CREG2: variants seen among roughly 807,000 people sequenced by gnomAD.
The protein encoded by CREG2 is cellular repressor of E1A stimulated genes 2.
A neutral mutation model predicts 26.2 loss-of-function variants in CREG2; 24 were observed. The observed-to-expected ratio is 0.92, with a 90% confidence interval of 0.66 to 1.29. The LOEUF (loss-of-function observed/expected upper bound fraction) is 1.29. Ranked by LOEUF, CREG2 falls within the 50% of genes most tolerant of loss-of-function variation. The probability of loss-of-function intolerance (pLI) is 0.00; values close to 1 mark genes in which losing one functional copy is unlikely to be tolerated. For synonymous variants in CREG2, 174 were observed against 169.2 expected (o/e 1.03, Z -0.22); for missense variants, 366 against 398.6 (o/e 0.92, Z 0.70).
intron 2 of CREG2, among the ~76,000 whole-genome samples, chr2:101,356,640 A>G (rs1469699654): frequency 2.6e-5 from 4 of 152,146 alleles, no homozygotes; most frequent in African/African-American, 9.7e-5. Context: ...TAGGAATGGC[A>G]TCCCTGGAGT....
chr2:101,355,388 TG>T, intron 2 of CREG2, 22 bp from the exon 3 acceptor site: 1 of 1,491,526 alleles, frequency 6.7e-7, no homozygotes, highest in Non-Finnish European at 9.4e-7. Context: ...AAACATTTTT[TG>T]TATATCAGAA....
At chr2:101,360,206 G>T (rs1293615869) in intron 2 of CREG2, among the ~76,000 whole-genome samples, 2 of 151,948 alleles carry the variant, frequency 1.3e-5, no homozygotes, top group African/African-American at 4.8e-5. Context: ...TATAACCATT[G>T]CCTTACCACC....
rs1460062745 is a variant in CREG2 at position 101,350,801 on chromosome 2, G to T, written c.*122C>A. Reference sequence around the variant, plus strand: ...CCTGTTCACCCTCTCTCATTCTGCTGCAGGGATGGCAGGGCTGCTATGAAC... The same window carrying T: ...CCTGTTCACCCTCTCTCATTCTGCTTCAGGGATGGCAGGGCTGCTATGAAC... On this transcript the variant is annotated 3_prime_UTR_variant, in exon 4 of 4. Coordinates refer to ENST00000324768, the MANE Select transcript of CREG2 (RefSeq NM_153836.4). The T allele has an allele frequency of 2.1e-6, 2 of 951,496 alleles. No individual in the cohort carries two copies. Among genetic ancestry groups the T allele is most frequent in the Non-Finnish European group, 3.2e-6 (2 of 617,444 alleles). The allele number at this position is 951,496 out of a possible 1,614,324, so 58.9% of individuals were successfully genotyped here. A position where few individuals can be genotyped will look rare whatever the true frequency, so the allele number is the denominator to read the frequency against.
intron 3 of CREG2, among the ~76,000 whole-genome samples, chr2:101,353,441 C>T (rs1456894996): frequency 1.3e-5 from 2 of 152,124 alleles, no homozygotes; most frequent in Non-Finnish European, 2.9e-5. Flanking sequence ...GTTAGAATGG[C>T]AATCATTAAA....
chr2:101,346,645 T>C lies in CREG2; in HGVS notation c.*4278A>G, dbSNP rs1319863695. On this transcript the variant is annotated 3_prime_UTR_variant, in exon 4 of 4. Coordinates refer to ENST00000324768, the MANE Select transcript of CREG2 (RefSeq NM_153836.4). ...TGTCTCTTTGTACTAGGTTTTGGCT[T>C]ATAGCTCAGTTCCTCATTTTATTAG... 1 of 152,240 alleles carries C rather than the reference T, an allele frequency of 6.6e-6. No individual in the cohort carries two copies. Among genetic ancestry groups the C allele is most frequent in the Non-Finnish European group, 1.5e-5 (1 of 68,040 alleles). The allele number at this position is 152,240 out of a possible 1,614,324, so 9.4% of individuals were successfully genotyped here.
At chr2:101,374,010 C>T (rs977544579) in intron 2 of CREG2, among the ~76,000 whole-genome samples, 12 of 152,212 alleles carry the variant, frequency 7.9e-5, no homozygotes, top group African/African-American at 2.4e-4. Context: ...GGACTATAGG[C>T]GTGCACCACT....
intron 2 of CREG2, among the ~76,000 whole-genome samples, chr2:101,367,405 CAT>C (rs1337139706): frequency 9.8e-5 from 15 of 152,296 alleles, no homozygotes; most frequent in African/African-American, 3.4e-4. Context: ...TTGAATCTCA[CAT>C]GTGTTTGAGC....
chr2:101,386,934 G>T (rs1684976985), intron 1 of CREG2, 83 bp downstream of exon 1: 2 of 1,205,382 alleles, frequency 1.7e-6, no homozygotes, highest in Middle Eastern at 3.2e-4. Context: ...TCAGTCCCGA[G>T]CGGTCGCGAG....
intron 2 of CREG2, chr2:101,383,045 G>A: frequency 1.0e-6 from 1 of 971,078 alleles, no homozygotes. Context: ...TTGAAAAAGT[G>A]AATTAAAAAA....
rs1684917818 is a variant in CREG2 at position 101,383,656 on chromosome 2, G to A, written c.488C>T (p.Pro163Leu). 1.2e-6 allele frequency: 2 copies of A among 1,613,166 alleles called. No individual in the cohort carries two copies. Among genetic ancestry groups the A allele is most frequent in the Non-Finnish European group, 1.7e-6 (2 of 1,179,546 alleles). The change falls in exon 2 of 4, where the codon CCC becomes CTC. Residue 163 changes from proline to leucine, a missense_variant. Around this residue, in one of 3 missense-constraint regions of CREG2, gnomAD observed 174 missense variants for 178.2 expected, o/e 0.98. Coordinates refer to ENST00000324768, the MANE Select transcript of CREG2 (RefSeq NM_153836.4). ...FGNCLPVSDG[P>L]FNNSTGIPFF... Reference sequence around the variant, plus strand: ...AGGAATCCCAGTGCTATTGTTGAAGGGGCCATCACTGACGGGCAGGCAGTT... The same window carrying A: ...AGGAATCCCAGTGCTATTGTTGAAGAGGCCATCACTGACGGGCAGGCAGTT...
intron 2 of CREG2, among the ~76,000 whole-genome samples, chr2:101,369,293 A>C (rs1684667410): frequency 6.6e-6 from 1 of 152,060 alleles, no homozygotes. Context: ...TGGGAGGTAG[A>C]GCAGGTGAGC....
In CREG2 at chr2:101,387,415, G is replaced by T. The variant is rs1422880437; in HGVS notation, c.43C>A (p.Arg15Ser). The T allele has an allele frequency of 7.6e-7, 1 of 1,308,984 alleles. No homozygotes were observed. Among genetic ancestry groups the T allele is most frequent in the African/African-American group, 1.5e-5 (1 of 65,348 alleles). 81.1% of individuals were successfully genotyped at this position (1,308,984 alleles called of 1,614,324 possible). A position where few individuals can be genotyped will look rare whatever the true frequency, so the allele number is the denominator to read the frequency against. The change falls in exon 1 of 4, where the codon CGC becomes AGC. Residue 15 changes from arginine to serine, a missense_variant. Arg to Ser is a moderately radical substitution (Grantham distance 110, BLOSUM62 -1). Coordinates refer to ENST00000324768, the MANE Select transcript of CREG2 (RefSeq NM_153836.4). This position sits in a 1 kb window ranked among gnomAD's most constrained non-coding sequence, Gnocchi z 4.7. Reference sequence around the variant, plus strand: ...CTGCAGCACAGCAGCCAGGAGAGGCGGGTCCCCGGCCGCGCCGGCCGCCGG... The same window carrying T: ...CTGCAGCACAGCAGCCAGGAGAGGCTGGTCCCCGGCCGCGCCGGCCGCCGG... The part of the protein sequence containing the change: ...RGRRPARPGT[R>S]LSWLLCCSAL...
chr2:101,375,323 G>T (rs1684773248), intron 2 of CREG2, among the ~76,000 whole-genome samples: 1 of 152,074 alleles, frequency 6.6e-6, no homozygotes, highest in South Asian at 2.1e-4. Flanking sequence ...TTTGCAAACT[G>T]GAATCTATTC....
intron 2 of CREG2, among the ~76,000 whole-genome samples, chr2:101,376,639 C>T (rs1394038286): frequency 1.3e-5 from 2 of 152,116 alleles, no homozygotes; most frequent in Admixed American, 1.3e-4. Context: ...ATTGTGAGAC[C>T]GAGTTCTGTA....
rs541128955 is a variant in CREG2 at position 101,353,195 on chromosome 2, G to A, written c.725+2058C>T. Reference sequence around the variant, plus strand: ...GGGTCGATTGAAAAAATTTTCACCCGTTCTGTAGGTTGCCCGTTTGCTCTC... The same window carrying A: ...GGGTCGATTGAAAAAATTTTCACCCATTCTGTAGGTTGCCCGTTTGCTCTC... On this transcript the variant is annotated intron_variant, in intron 3 of 3. Coordinates refer to ENST00000324768, the MANE Select transcript of CREG2 (RefSeq NM_153836.4). 1.4e-4 allele frequency among the ~76,000 whole-genome samples: 22 copies of A among 152,238 alleles called. 1 individual carries two copies. The South Asian group carries it at 2.3e-3, about 16-fold the overall frequency.
At chr2:101,374,143 G>A (rs762469731) in intron 2 of CREG2, among the ~76,000 whole-genome samples, 5 of 152,224 alleles carry the variant, frequency 3.3e-5, no homozygotes, top group Non-Finnish European at 5.9e-5. Context: ...TTGGGAGGCC[G>A]AGGTGGGTGG....
intron 2 of CREG2, among the ~76,000 whole-genome samples, chr2:101,358,444 C>T (rs1382914214): frequency 2.0e-5 from 3 of 152,206 alleles, no homozygotes; most frequent in African/African-American, 7.2e-5. Flanking sequence ...AAAAGCTTGC[C>T]TTGGGGGTAA....
intron 2 of CREG2, among the ~76,000 whole-genome samples, chr2:101,363,851 AACACACACAC>A (rs5832961): frequency 1.4e-5 from 2 of 145,986 alleles, no homozygotes; most frequent in African/African-American, 2.6e-5. Context: ...CCCTGTCTCA[AACACACACAC>A]ACACACACAC....
Position 101,346,687 on chromosome 2 carries a change from G to C in CREG2, c.*4236C>G, listed in dbSNP as rs779411927. 6.6e-6 allele frequency: 1 copy of C among 152,224 alleles called. No homozygotes were observed. Among genetic ancestry groups the C allele is most frequent in the East Asian group, 1.9e-4 (1 of 5,198 alleles). The allele number at this position is 152,224 out of a possible 1,614,324, so 9.4% of individuals were successfully genotyped here. The stretch of plus-strand genomic sequence containing the variant: ...TTTTATTAGGGACTAATAAGAGAGA[G>C]AGTATAAATGCTTTATTAAGCTAAG... On this transcript the variant is annotated 3_prime_UTR_variant, in exon 4 of 4. Transcript: ENST00000324768.
Sources: gnomAD v4.1 joint callset for allele counts (sites outside exome capture counted in the v4.1 genomes callset) on GRCh38, gnomAD v4.1.1 for gene constraint, gnomAD v4.1.1 regional missense constraint, Gnocchi (gnomAD v3.1) non-coding constraint, MANE v1.5 for transcripts, NCBI Gene and HGNC (gene_info 2026-07-23, HGNC 2026-07-21) for gene names.